Variants in SUPT3H observed in about 807,000 individuals in gnomAD.
SUPT3H encodes transcription initiation protein SPT3 homolog.
A neutral mutation model predicts 44.3 loss-of-function variants in SUPT3H; 44 were observed. The ratio of observed to expected loss-of-function variants is 0.99; its 90% CI spans 0.78 to 1.28. SUPT3H has a LOEUF of 1.28. SUPT3H is among the 50% of genes most tolerant of loss of function. The pLI, the probability that SUPT3H is intolerant of heterozygous loss-of-function variation, is 0.00. For synonymous variants in SUPT3H, 124 were observed against 125.6 expected, an observed-to-expected ratio of 0.99 and a Z score of 0.09; for missense variants, 380 against 387.1, an observed-to-expected ratio of 0.98 and a Z score of 0.15.
At chr6:45,096,615 CA>C (rs372614505) in intron 3 of SUPT3H, among the ~76,000 whole-genome samples, 2,957 of 148,450 alleles carry the variant, frequency 0.02, 54 homozygotes, top group South Asian at 0.087. Flanking sequence ...AAAGACGAGA[CA>C]AAAAAAAATG....
At chr6:45,240,968 G>A (rs1470402821) in intron 2 of SUPT3H, among the ~76,000 whole-genome samples, 3 of 152,146 alleles carry the variant, frequency 2.0e-5, no homozygotes, top group Non-Finnish European at 4.4e-5. Flanking sequence ...TTAATGCTAG[G>A]AACTGGAGTG....
chr6:45,021,044 G>C (rs1785058517), intron 3 of SUPT3H, among the ~76,000 whole-genome samples: 1 of 151,748 alleles, frequency 6.6e-6, no homozygotes, highest in South Asian at 2.1e-4. Context: ...TTTGAAATAG[G>C]CCCATTCAGA....
intron 2 of SUPT3H, among the ~76,000 whole-genome samples, chr6:45,315,941 A>ATAGATAGC (rs1212215783): frequency 1.3e-5 from 2 of 151,770 alleles, no homozygotes; most frequent in South Asian, 2.1e-4. Flanking sequence ...AGATAGATAG[A>ATAGATAGC]TAGATAGATA....
At chr6:45,299,749 T>C (rs1161775075) in intron 2 of SUPT3H, among the ~76,000 whole-genome samples, 1 of 142,986 alleles carries the variant, frequency 7.0e-6, no homozygotes, top group African/African-American at 2.6e-5. Context: ...ACCCCGGCTC[T>C]GCCAAAAAAA....
chr6:44,858,864 A>G (rs1275308158), intron 10 of SUPT3H, among the ~76,000 whole-genome samples: 4 of 152,100 alleles, frequency 2.6e-5, no homozygotes, highest in Non-Finnish European at 5.9e-5. Flanking sequence ...GTGTAGACAA[A>G]GTCAAGGGAC....
At chr6:44,988,312 G>A (rs1295540831) in intron 6 of SUPT3H, among the ~76,000 whole-genome samples, 1 of 151,684 alleles carries the variant, frequency 6.6e-6, no homozygotes, top group East Asian at 1.9e-4. Flanking sequence ...ATGTCACCAA[G>A]AAAATTCTAA....
At chr6:45,221,238 C>T (rs1037909155) in intron 2 of SUPT3H, among the ~76,000 whole-genome samples, 15 of 152,042 alleles carry the variant, frequency 9.9e-5, no homozygotes, top group South Asian at 2.1e-4. Flanking sequence ...TGGGGGCATG[C>T]GGGAGGGATA....
chr6:45,269,927 T>A (rs1775850917), intron 2 of SUPT3H, among the ~76,000 whole-genome samples: 1 of 152,270 alleles, frequency 6.6e-6, no homozygotes, highest in South Asian at 2.1e-4. Flanking sequence ...CAGTCATTCC[T>A]CTATCCTGAC....
chr6:45,211,261 G>A (rs540682041), intron 2 of SUPT3H, among the ~76,000 whole-genome samples: 19 of 151,982 alleles, frequency 1.3e-4, no homozygotes, highest in South Asian at 1.2e-3. Context: ...ACAGTATCTC[G>A]ATATCCATCT....
intron 10 of SUPT3H, among the ~76,000 whole-genome samples, chr6:44,929,857 C>T (rs2153460435): frequency 6.6e-6 from 1 of 151,948 alleles, no homozygotes; most frequent in South Asian, 2.1e-4. Context: ...CAAATCCATC[C>T]CATTTTAATG....
At chr6:45,051,784 A>G (rs753293066) in intron 3 of SUPT3H, among the ~76,000 whole-genome samples, 6 of 152,208 alleles carry the variant, frequency 3.9e-5, no homozygotes, top group Non-Finnish European at 8.8e-5. Context: ...AATTATAACT[A>G]TTGAGCATAA....
intron 3 of SUPT3H, among the ~76,000 whole-genome samples, chr6:45,077,103 T>C (rs1344079926): frequency 1.3e-5 from 2 of 152,150 alleles, no homozygotes; most frequent in African/African-American, 2.4e-5. Flanking sequence ...CCACTTCCAA[T>C]ACCAGCATAA....
chr6:45,355,139 T>TG (rs964073099), intron 2 of SUPT3H, among the ~76,000 whole-genome samples: 18 of 127,552 alleles, frequency 1.4e-4, no homozygotes, highest in Non-Finnish European at 2.8e-4. Flanking sequence ...AAGACCTGGC[T>TG]TTTTTTTTTT....
At chr6:44,912,643 A>T (rs1309522765) in intron 10 of SUPT3H, among the ~76,000 whole-genome samples, 1 of 152,160 alleles carries the variant, frequency 6.6e-6, no homozygotes, top group Non-Finnish European at 1.5e-5. Context: ...ACTGGCAGAG[A>T]TTCTTGATTA....
At chr6:45,194,240 T>C (rs537929842) in intron 2 of SUPT3H, among the ~76,000 whole-genome samples, 8 of 152,242 alleles carry the variant, frequency 5.3e-5, no homozygotes, top group Middle Eastern at 3.4e-3. Context: ...TTATTAACTA[T>C]ATTTCAAACA....
At chr6:44,954,142 TG>T (rs1284008080) in intron 8 of SUPT3H, among the ~76,000 whole-genome samples, 4 of 152,202 alleles carry the variant, frequency 2.6e-5, no homozygotes, top group African/African-American at 9.6e-5. Flanking sequence ...ACCCAGAATT[TG>T]GTAAGTACTC....
chr6:45,369,621 GAC>G (rs780912821), intron 1 of SUPT3H, among the ~76,000 whole-genome samples: 1 of 151,914 alleles, frequency 6.6e-6, no homozygotes, highest in Non-Finnish European at 1.5e-5. Context: ...TTATAATAAA[GAC>G]ACACTCTTAT....
chr6:44,916,379 C>A (rs1354037752), intron 10 of SUPT3H, among the ~76,000 whole-genome samples: 2 of 152,070 alleles, frequency 1.3e-5, no homozygotes, highest in African/African-American at 4.8e-5. Flanking sequence ...TTTACCATAC[C>A]CTTACTGCCT....
At chr6:45,125,653 T>C (rs1052971167) in intron 2 of SUPT3H, among the ~76,000 whole-genome samples, 2 of 152,216 alleles carry the variant, frequency 1.3e-5, no homozygotes, top group Non-Finnish European at 2.9e-5. Context: ...ACTTACACTC[T>C]TGCTCTGTGT....
Sources: allele counts gnomAD v4.1 joint callset (sites outside exome capture counted in the v4.1 genomes callset), GRCh38; gene constraint gnomAD v4.1.1; transcripts MANE v1.5; gene names NCBI Gene and HGNC (gene_info 2026-07-23, HGNC 2026-07-21).